The following NRXN1 variants were observed in gnomAD, a reference collection of about 807,000 sequenced individuals.
NRXN1 encodes the protein neurexin-1.
A neutral mutation model predicts 150.9 loss-of-function variants in NRXN1; 39 were observed. The ratio of observed to expected loss-of-function variants is 0.26; its 90% CI spans 0.20 to 0.34. The LOEUF (loss-of-function observed/expected upper bound fraction) is 0.34, where lower values mean the gene tolerates loss of function less well. Among genes scored for constraint, NRXN1 ranks in the 10% least tolerant of loss-of-function variants. NRXN1 has a pLI of 1.00. For missense variants in NRXN1, 1,815 were observed against 1,949.9 expected (o/e 0.93, Z 1.30); for synonymous variants, 924 against 757.0 (o/e 1.22, Z -3.62).
chr2:50,248,011 A>T (rs1191907149), intron 17 of NRXN1, among the ~76,000 whole-genome samples: 1 of 152,002 alleles, frequency 6.6e-6, no homozygotes, highest in Non-Finnish European at 1.5e-5. Flanking sequence ...AGCAATTTAG[A>T]ATCTCTCTCT....
intron 18 of NRXN1, among the ~76,000 whole-genome samples, chr2:50,117,369 G>C (rs1703207326): frequency 6.6e-6 from 1 of 152,056 alleles, no homozygotes; most frequent in Non-Finnish European, 1.5e-5. Flanking sequence ...GATGAATAAG[G>C]AGAATGGGTA....
intron 8 of NRXN1, among the ~76,000 whole-genome samples, chr2:50,569,632 A>G (rs1457617601): frequency 6.6e-6 from 1 of 152,114 alleles, no homozygotes; most frequent in Non-Finnish European, 1.5e-5. Context: ...ACTGCAATCC[A>G]TCTCTGATAT....
chr2:50,875,543 T>C (rs1410169150), intron 5 of NRXN1, among the ~76,000 whole-genome samples: 4 of 151,814 alleles, frequency 2.6e-5, no homozygotes, highest in African/African-American at 9.7e-5. Context: ...TTTATGGTTT[T>C]CAAGCTTGCT....
chr2:50,284,637 A>G (rs561162407), intron 17 of NRXN1, among the ~76,000 whole-genome samples: 4 of 152,208 alleles, frequency 2.6e-5, no homozygotes, highest in African/African-American at 2.4e-5. Flanking sequence ...ATCCTTACTC[A>G]CCAAACCAAT....
In NRXN1 at chr2:50,968,073, T is replaced by G. The variant is rs111753268; in HGVS notation, c.773-42118A>C. On this transcript the variant is annotated intron_variant, in intron 2 of 22. Coordinates refer to ENST00000401669, the MANE Select transcript of NRXN1 (RefSeq NM_001330078.2). ...TATGATTAAAATAAAATAAGACTAA[T>G]ACTGTTAATAATAAATACTTCTGAT... is the stretch of plus-strand genomic sequence containing the variant. Among the ~76,000 whole-genome samples, 278 of 152,132 alleles carry G rather than the reference T, an allele frequency of 1.8e-3. 4 individuals are homozygous for G. Among genetic ancestry groups the G allele is most frequent in the African/African-American group, 6.5e-3 (270 of 41,518 alleles).
At chr2:50,464,038 C>T (rs1333500313) in intron 17 of NRXN1, 2 of 151,394 alleles carry the variant, frequency 1.3e-5, no homozygotes, top group Non-Finnish European at 3.0e-5. Context: ...TATACATATC[C>T]TTATGAAAAG....
intron 8 of NRXN1, among the ~76,000 whole-genome samples, chr2:50,563,453 C>A (rs1442447373): frequency 6.6e-6 from 1 of 152,176 alleles, no homozygotes; most frequent in East Asian, 1.9e-4. Context: ...CCAATAAACA[C>A]AGGCCCTGGT....
At chr2:50,414,361 C>CA (rs59038130) in intron 17 of NRXN1, among the ~76,000 whole-genome samples, 33,920 of 151,144 alleles carry the variant, frequency 0.22, 4,751 homozygotes, top group African/African-American at 0.38. Flanking sequence ...TATATACTGA[C>CA]AAAAAAATTA....
intron 17 of NRXN1, among the ~76,000 whole-genome samples, chr2:50,461,450 T>C (rs1315859305): frequency 1.3e-5 from 2 of 152,026 alleles, no homozygotes; most frequent in East Asian, 3.9e-4. Context: ...TTGCATACGG[T>C]CATAGCCATG....
intron 5 of NRXN1, among the ~76,000 whole-genome samples, chr2:50,880,657 G>T (rs1343921614): frequency 6.6e-6 from 1 of 151,968 alleles, no homozygotes; most frequent in Non-Finnish European, 1.5e-5. Flanking sequence ...GAGGTTAACA[G>T]AAGAATCAGG....
intron 18 of NRXN1, among the ~76,000 whole-genome samples, chr2:50,106,791 T>A (rs954778382): frequency 3.3e-5 from 5 of 151,996 alleles, no homozygotes; most frequent in African/African-American, 1.2e-4. Flanking sequence ...GAAAGATTTA[T>A]AAACTTAATC....
At chr2:50,195,566 A>T (rs1207325481) in intron 18 of NRXN1, among the ~76,000 whole-genome samples, 1 of 152,128 alleles carries the variant, frequency 6.6e-6, no homozygotes, top group African/African-American at 2.4e-5. Context: ...TTACAAGTCT[A>T]TTCATCATGG....
chr2:50,038,978 G>A (rs1690495039), intron 21 of NRXN1, among the ~76,000 whole-genome samples: 1 of 152,022 alleles, frequency 6.6e-6, no homozygotes, highest in Non-Finnish European at 1.5e-5. Context: ...AGGAATTGGA[G>A]ACCAGCCTGG....
chr2:50,610,675 A>ATATATATATATC (rs1677937708), intron 8 of NRXN1, among the ~76,000 whole-genome samples: 1 of 129,908 alleles, frequency 7.7e-6, no homozygotes, highest in Non-Finnish European at 1.6e-5. Flanking sequence ...ATATATATAT[A>ATATATATATATC]TATCTGTACA....
intron 17 of NRXN1, among the ~76,000 whole-genome samples, chr2:50,290,563 T>TA (rs2072786064): frequency 6.6e-6 from 1 of 152,086 alleles, no homozygotes; most frequent in East Asian, 1.9e-4. Flanking sequence ...GGAAGAGAAA[T>TA]AAGACAGTGC....
At chr2:50,622,094 C>G (rs1309454500) in intron 6 of NRXN1, among the ~76,000 whole-genome samples, 1 of 152,060 alleles carries the variant, frequency 6.6e-6, no homozygotes, top group African/African-American at 2.4e-5. Flanking sequence ...TATAGGAAAT[C>G]CATGGTCTAC....
chr2:50,989,199 C>T (rs1347632551), intron 2 of NRXN1, among the ~76,000 whole-genome samples: 1 of 151,836 alleles, frequency 6.6e-6, no homozygotes, highest in Non-Finnish European at 1.5e-5. Flanking sequence ...TTTAATGTCT[C>T]CAAGAATTTA....
At chr2:50,007,309 G>A (rs986789367) in intron 21 of NRXN1, among the ~76,000 whole-genome samples, 1 of 152,066 alleles carries the variant, frequency 6.6e-6, no homozygotes, top group Non-Finnish European at 1.5e-5. Context: ...TCCCACCACT[G>A]CACTCCAGCC....
At chr2:50,517,944 T>C (rs991710933) in intron 12 of NRXN1, among the ~76,000 whole-genome samples, 3 of 152,162 alleles carry the variant, frequency 2.0e-5, no homozygotes, top group Non-Finnish European at 2.9e-5. Context: ...TCCTGCTCTA[T>C]TTCTTCTGGC....
Sources: gnomAD v4.1 joint callset for allele counts (sites outside exome capture counted in the v4.1 genomes callset) on GRCh38, gnomAD v4.1.1 for gene constraint, MANE v1.5 for transcripts, NCBI Gene and HGNC (gene_info 2026-07-23, HGNC 2026-07-21) for gene names.